Variants in USP18 observed in about 807,000 individuals in gnomAD.
USP18 encodes ubl carboxyl-terminal hydrolase 18.
In USP18, 11 loss-of-function variants were observed where a neutral mutation model predicts 48.7. That is an observed-to-expected ratio of 0.23 (90% CI 0.14 to 0.37). The LOEUF (loss-of-function observed/expected upper bound fraction) is 0.37. USP18 is among the 10% of genes least tolerant of loss of function. The pLI is 1.00. For missense variants in USP18, 285 were observed against 436.4 expected, an observed-to-expected ratio of 0.65 and a Z score of 3.09; for synonymous variants, 114 against 163.2, an observed-to-expected ratio of 0.70 and a Z score of 2.30.
intron 4 of USP18, among the ~76,000 whole-genome samples, chr22:18,164,310 T>TTGCC (rs1189375969): frequency 5.9e-5 from 9 of 151,746 alleles, no homozygotes. Flanking sequence ...CCGGGCCTTT[T>TTGCC]TGCCTGTTCA....
Position 18,169,874 on chromosome 22 carries a change from A to C in USP18, c.658A>C (p.Arg220=). The stretch of plus-strand genomic sequence containing the variant: ...CGCCCTGCACTGCTTCTTCCAGCCC[A>C]GGGAGTTATCAAGCAAAAGCAAGTG... ...EDALHCFFQP[R]ELSSKSKCFC... is the part of the protein sequence containing the mutation. Residue 220 remains arginine (R), a synonymous_variant, in exon 7 of 11, where the codon AGG becomes CGG. Coordinates refer to ENST00000215794, the MANE Select transcript of USP18 (RefSeq NM_017414.4). The C allele has an allele frequency of 1.9e-6, 3 of 1,606,514 alleles. No homozygotes were observed. The highest frequency in any genetic ancestry group is 2.6e-6 in the Non-Finnish European group (3 of 1,176,148).
At chr22:18,156,890 G>C (rs539563013) in intron 1 of USP18, among the ~76,000 whole-genome samples, 1 of 152,364 alleles carries the variant, frequency 6.6e-6, no homozygotes, top group East Asian at 1.9e-4. Flanking sequence ...CCAAGGCGAA[G>C]TACTCCACTT....
intron 2 of USP18, among the ~76,000 whole-genome samples, chr22:18,159,672 ATTTTTT>A (rs34386839): frequency 2.6e-5 from 2 of 76,912 alleles, no homozygotes; most frequent in African/African-American, 5.5e-5. Context: ...TGATTTTTGG[ATTTTTT>A]TTTTTTTTTT....
intron 1 of USP18, among the ~76,000 whole-genome samples, 194 bp from the exon 2 acceptor site, chr22:18,157,364 G>A (rs111755106): frequency 0.01 from 1,597 of 152,286 alleles, 31 homozygotes; most frequent in African/African-American, 0.036. Flanking sequence ...TCGGCTCTGA[G>A]GATGAATGGA....
At chr22:18,150,956 C>T (rs1439742307) in intron 1 of USP18, among the ~76,000 whole-genome samples, 1 of 152,138 alleles carries the variant, frequency 6.6e-6, no homozygotes, top group Non-Finnish European at 1.5e-5. Flanking sequence ...CTCAAACAAA[C>T]AAACAAAAAA....
chr22:18,173,874 A>G, intron 10 of USP18, 32 bp downstream of exon 10: 1 of 1,554,158 alleles, frequency 6.4e-7, no homozygotes, highest in Non-Finnish European at 8.8e-7. Context: ...TTGGAGTCTG[A>G]TGAGCTCACA....
In USP18 at chr22:18,167,819, C is replaced by A. The variant is rs956806243; in HGVS notation, c.481-71C>A. 1.4e-5 allele frequency: 21 copies of A among 1,536,004 alleles called. No homozygotes were observed. In the Admixed American group the frequency reaches 4.1e-4, roughly 30 times the overall value. The stretch of plus-strand genomic sequence containing the variant: ...GAGGAGCTTCTGTCTCTTGGCTCCA[C>A]CTTCTGGCAGTTGGCCTGACCTGGC... On this transcript the variant is annotated intron_variant, in intron 5 of 10. Transcript: ENST00000215794.
chr22:18,173,691 G>T, intron 9 of USP18, 102 bp from the exon 10 acceptor site: 1 of 1,545,964 alleles, frequency 6.5e-7, no homozygotes, highest in Non-Finnish European at 8.8e-7. Context: ...GAGTTGCTAG[G>T]GGTGGGCTTG....
chr22:18,172,458 A>G (rs1929656508), intron 8 of USP18, among the ~76,000 whole-genome samples: 1 of 152,150 alleles, frequency 6.6e-6, no homozygotes, highest in Admixed American at 6.5e-5. Flanking sequence ...CTCTAGATCC[A>G]AACAACGCCT....
chr22:18,157,845 T>A (rs767514060), intron 2 of USP18, 25 bp downstream of exon 2: 2 of 1,612,962 alleles, frequency 1.2e-6, no homozygotes, highest in South Asian at 2.2e-5. Context: ...CCCGTTTTCC[T>A]CTTCTTGACT....
At chr22:18,159,672 ATTTTT>A (rs34386839) in intron 2 of USP18, among the ~76,000 whole-genome samples, 1 of 76,912 alleles carries the variant, frequency 1.3e-5, no homozygotes, top group Non-Finnish European at 2.4e-5. Flanking sequence ...TGATTTTTGG[ATTTTT>A]TTTTTTTTTT....
At position 18,157,624 on chromosome 22, in the gene USP18, GC is replaced by G; in HGVS notation, c.-38del. 1.2e-6 allele frequency: 2 copies of G among 1,612,950 alleles called. No individual in the cohort carries two copies. The highest frequency in any genetic ancestry group is 1.7e-6 in the Non-Finnish European group (2 of 1,179,110). ...TGAAGTCGTGCTGTCCTGAACGCGG[GC>G]CAGGCAGCTGCGGCCTGGGGGTTTT... On this transcript the variant is annotated 5_prime_UTR_variant, in exon 2 of 11. Transcript: ENST00000215794.
chr22:18,161,757 G>A lies in USP18; in HGVS notation c.255-33G>A, dbSNP rs751958727. On this transcript the variant is annotated intron_variant, in intron 3 of 10. Coordinates refer to ENST00000215794, the MANE Select transcript of USP18 (RefSeq NM_017414.4). ...GTGCACCTAGCTTTGAGAACTACAT[G>A]TAAGGAGGTTTCTGGCTGTTCTTGT... The A allele has an allele frequency of 3.1e-5, 48 of 1,540,758 alleles. No individual in the cohort carries two copies. In the African/African-American group the frequency reaches 5.8e-4, roughly 19 times the overall value.
chr22:18,170,507 TG>T (rs1258689699), intron 7 of USP18, among the ~76,000 whole-genome samples: 1 of 152,160 alleles, frequency 6.6e-6, no homozygotes, highest in Non-Finnish European at 1.5e-5. Context: ...GGTGGCTCCC[TG>T]GGTCCTGGTA....
chr22:18,173,426 C>A (rs12166390), intron 9 of USP18, 145 bp downstream of exon 9: 124,567 of 1,132,918 alleles, frequency 0.11, 7,325 homozygotes, highest in South Asian at 0.14. Context: ...GGGTTCAAGC[C>A]TTTTTCGGTC....
intron 9 of USP18, 133 bp downstream of exon 9, chr22:18,173,414 G>T: frequency 8.4e-7 from 1 of 1,195,760 alleles, no homozygotes; most frequent in Non-Finnish European, 1.2e-6. Context: ...GGCCTTTGAT[G>T]AGGGTTCAAG....
At chr22:18,167,850 G>A (rs1269157666) in intron 5 of USP18, 40 bp from the exon 6 acceptor site, 2 of 1,595,846 alleles carry the variant, frequency 1.3e-6, no homozygotes, top group Non-Finnish European at 8.6e-7. Flanking sequence ...CTGGCTTATG[G>A]TGGTGTTCCC....
At chr22:18,165,837 C>T (rs950680392) in intron 4 of USP18, among the ~76,000 whole-genome samples, 22 of 150,266 alleles carry the variant, frequency 1.5e-4, no homozygotes, top group Admixed American at 1.3e-3. Context: ...CCCGGAAAGG[C>T]GCCAACTCAG....
chr22:18,156,595 C>A (rs900779460), intron 1 of USP18, among the ~76,000 whole-genome samples: 2 of 151,986 alleles, frequency 1.3e-5, no homozygotes, highest in African/African-American at 4.8e-5. Context: ...CGCAGCTTCG[C>A]TCCTGAAGCC....
Sources: allele counts gnomAD v4.1 joint callset (sites outside exome capture counted in the v4.1 genomes callset), GRCh38; gene constraint gnomAD v4.1.1; transcripts MANE v1.5; gene names NCBI Gene and HGNC (gene_info 2026-07-23, HGNC 2026-07-21).